The following RIMS1 variants were observed in gnomAD, a reference collection of about 807,000 sequenced individuals.
The protein encoded by RIMS1 is regulating synaptic membrane exocytosis 1, also known as regulating synaptic membrane exocytosis protein 1.
In RIMS1, 83 loss-of-function variants were observed where a neutral mutation model predicts 214.1. That is an observed-to-expected ratio of 0.39 (90% CI 0.32 to 0.47). The LOEUF (loss-of-function observed/expected upper bound fraction) is 0.47. Ranked by LOEUF, RIMS1 falls within the 20% of genes least tolerant of loss-of-function variation. The pLI, the probability that RIMS1 is intolerant of heterozygous loss-of-function variation, is 0.99. For missense variants in RIMS1, 2,050 were observed against 2,161.8 expected, an observed-to-expected ratio of 0.95 and a Z score of 1.03; for synonymous variants, 793 against 786.8, an observed-to-expected ratio of 1.01 and a Z score of -0.13.
At chr6:72,026,101 C>T (rs916279780) in intron 2 of RIMS1, among the ~76,000 whole-genome samples, 15 of 152,130 alleles carry the variant, frequency 9.9e-5, no homozygotes, top group Admixed American at 8.5e-4. Flanking sequence ...ACCAGCCCTG[C>T]GTCAATGCAG....
chr6:72,288,335 G>A (rs1387493779), intron 24 of RIMS1, among the ~76,000 whole-genome samples: 1 of 152,204 alleles, frequency 6.6e-6, no homozygotes, highest in African/African-American at 2.4e-5. Flanking sequence ...TAAACCTATA[G>A]ATACATATAT....
At chr6:72,347,299 T>C (rs1437991950) in intron 29 of RIMS1, among the ~76,000 whole-genome samples, 1 of 151,880 alleles carries the variant, frequency 6.6e-6, no homozygotes, top group Admixed American at 6.6e-5. Flanking sequence ...AGTGATTGTA[T>C]CCCAGTATGT....
chr6:72,263,165 A>G, intron 19 of RIMS1: 6 of 984,602 alleles, frequency 6.1e-6, no homozygotes, highest in Non-Finnish European at 7.2e-6. Context: ...TTGCAACTGA[A>G]AGTGTCTACC....
chr6:71,949,096 T>G (rs914312364), intron 1 of RIMS1, among the ~76,000 whole-genome samples: 2 of 152,220 alleles, frequency 1.3e-5, no homozygotes, highest in Admixed American at 1.3e-4. Flanking sequence ...TTTTGTAGTA[T>G]GAGAATTTGT....
At chr6:72,001,978 A>C (rs1288031969) in intron 2 of RIMS1, among the ~76,000 whole-genome samples, 7 of 152,174 alleles carry the variant, frequency 4.6e-5, no homozygotes, top group African/African-American at 1.7e-4. Flanking sequence ...TCTATAATGT[A>C]AGCTGTTCAA....
At chr6:72,216,461 C>A (rs947957138) in intron 6 of RIMS1, 1 of 985,350 alleles carries the variant, frequency 1.0e-6, no homozygotes, top group African/African-American at 1.7e-5. Context: ...TGAAGAAGCA[C>A]TTTTGCCTGT....
intron 27 of RIMS1, among the ~76,000 whole-genome samples, chr6:72,311,790 G>T (rs1247495843): frequency 6.6e-6 from 1 of 152,154 alleles, no homozygotes; most frequent in Non-Finnish European, 1.5e-5. Context: ...GGGTAACACG[G>T]TGAAACCCCG....
At chr6:72,113,279 A>G (rs138532162) in intron 4 of RIMS1, among the ~76,000 whole-genome samples, 2 of 152,192 alleles carry the variant, frequency 1.3e-5, no homozygotes, top group East Asian at 3.9e-4. Context: ...TGGATTGACC[A>G]TTGTTTTACT....
chr6:72,046,928 A>G (rs2152116391), intron 2 of RIMS1, among the ~76,000 whole-genome samples: 1 of 152,256 alleles, frequency 6.6e-6, no homozygotes, highest in South Asian at 2.1e-4. Context: ...TTTTGTATTA[A>G]GGAAATAAAA....
rs114108296 is a variant in RIMS1 at position 72,260,779 on chromosome 6, G to C, written c.3116+12G>C. 17 of 1,611,394 alleles carry C rather than the reference G, an allele frequency of 1.1e-5. No individual in the cohort carries two copies. Among genetic ancestry groups the C allele is most frequent in the Non-Finnish European group, 1.4e-5 (17 of 1,178,524 alleles). On this transcript the variant is annotated intron_variant, in intron 19 of 33. Transcript: ENST00000521978. ...CTACATACTACCAGGTAAATACAGGGATTTGGTAATGGTGACTGTGTGTGA... is the reference window on the plus strand; with the variant it reads ...CTACATACTACCAGGTAAATACAGGCATTTGGTAATGGTGACTGTGTGTGA...
intron 29 of RIMS1, among the ~76,000 whole-genome samples, chr6:72,379,431 C>A (rs542257758): frequency 6.6e-6 from 1 of 152,294 alleles, no homozygotes; most frequent in African/African-American, 2.4e-5. Context: ...ACCAGTAAAA[C>A]AAATGGTGAG....
At chr6:71,899,596 T>G (rs1772964361) in intron 1 of RIMS1, among the ~76,000 whole-genome samples, 1 of 152,120 alleles carries the variant, frequency 6.6e-6, no homozygotes, top group Non-Finnish European at 1.5e-5. Context: ...TTCTATAAAG[T>G]CTTAAGGAAG....
At chr6:72,276,933 T>G (rs982320164) in intron 23 of RIMS1, among the ~76,000 whole-genome samples, 1 of 152,204 alleles carries the variant, frequency 6.6e-6, no homozygotes, top group Admixed American at 6.5e-5. Context: ...TCATAAGAAT[T>G]TCAGCGTTAG....
At chr6:72,013,491 A>G (rs1811589102) in intron 2 of RIMS1, among the ~76,000 whole-genome samples, 1 of 152,170 alleles carries the variant, frequency 6.6e-6, no homozygotes, top group African/African-American at 2.4e-5. Flanking sequence ...AAAGACTGAA[A>G]AAGACTGACC....
chr6:72,214,637 C>T (rs1316631886), intron 6 of RIMS1, among the ~76,000 whole-genome samples: 1 of 151,428 alleles, frequency 6.6e-6, no homozygotes, highest in Non-Finnish European at 1.5e-5. Flanking sequence ...AATCTCAAAA[C>T]TCAAGCACAA....
intron 29 of RIMS1, among the ~76,000 whole-genome samples, chr6:72,337,230 T>A (rs2096871381): frequency 6.6e-6 from 1 of 151,804 alleles, no homozygotes; most frequent in African/African-American, 2.4e-5. Context: ...TTGATTTTAG[T>A]GGCCCAGCCT....
At chr6:72,010,613 A>G (rs1258065902) in intron 2 of RIMS1, among the ~76,000 whole-genome samples, 1 of 152,234 alleles carries the variant, frequency 6.6e-6, no homozygotes, top group African/African-American at 2.4e-5. Context: ...CTTTAAGCTG[A>G]TAAGCAACTT....
chr6:72,355,261 T>C (rs2097584950), intron 29 of RIMS1, among the ~76,000 whole-genome samples: 1 of 152,188 alleles, frequency 6.6e-6, no homozygotes, highest in Non-Finnish European at 1.5e-5. Flanking sequence ...AAACTTCATC[T>C]TTCACTACTT....
At chr6:72,053,803 T>G (rs965860821) in intron 2 of RIMS1, among the ~76,000 whole-genome samples, 2 of 152,158 alleles carry the variant, frequency 1.3e-5, no homozygotes, top group South Asian at 4.1e-4. Context: ...ATATATGACA[T>G]GAATAAGTTT....
Sources: gnomAD v4.1 joint callset for allele counts (sites outside exome capture counted in the v4.1 genomes callset) on GRCh38, gnomAD v4.1.1 for gene constraint, MANE v1.5 for transcripts, NCBI Gene and HGNC (gene_info 2026-07-23, HGNC 2026-07-21) for gene names.